The following LMTK2 variants were observed in gnomAD, a reference collection of about 807,000 sequenced individuals.
The protein encoded by LMTK2 is lemur tail kinase 2.
A neutral mutation model predicts 127.5 loss-of-function variants in LMTK2; 37 were observed. The ratio of observed to expected loss-of-function variants is 0.29; its 90% CI spans 0.22 to 0.38. LMTK2 has a LOEUF of 0.38. Among genes scored for constraint, LMTK2 ranks in the 10% least tolerant of loss-of-function variants. The pLI, the probability that LMTK2 is intolerant of heterozygous loss-of-function variation, is 1.00. For missense variants in LMTK2, 1,694 were observed against 1,920.3 expected (o/e 0.88, Z 2.20); for synonymous variants, 819 against 810.1 (o/e 1.01, Z -0.19).
intron 9 of LMTK2, among the ~76,000 whole-genome samples, chr7:98,187,551 A>G (rs1315357660): frequency 6.6e-6 from 1 of 151,526 alleles, no homozygotes; most frequent in Non-Finnish European, 1.5e-5. Flanking sequence ...ATTGATGCAT[A>G]TAATTGGACA....
intron 3 of LMTK2, among the ~76,000 whole-genome samples, chr7:98,148,209 G>A (rs932276440): frequency 6.6e-6 from 1 of 151,070 alleles, no homozygotes; most frequent in Admixed American, 6.6e-5. Context: ...AAAAAATTAA[G>A]CCAGGTGTGA....
intron 1 of LMTK2, among the ~76,000 whole-genome samples, chr7:98,135,237 TCA>T (rs1796580831): frequency 6.6e-6 from 1 of 152,236 alleles, no homozygotes. Flanking sequence ...AAAAATAACC[TCA>T]TTAATTTATC....
At chr7:98,123,704 TACAC>T (rs143477267) in intron 1 of LMTK2, among the ~76,000 whole-genome samples, 5 of 150,402 alleles carry the variant, frequency 3.3e-5, no homozygotes, top group South Asian at 2.1e-4. Flanking sequence ...TTTTCATATA[TACAC>T]ACACACACAC....
chr7:98,203,482 G>A, intron 11 of LMTK2, 92 bp from the exon 12 acceptor site: 1 of 1,455,020 alleles, frequency 6.9e-7, no homozygotes, highest in Non-Finnish European at 9.1e-7. Flanking sequence ...CTCAGTCGAT[G>A]AGTCTGATGC....
At chr7:98,163,714 A>G (rs28681561) in intron 6 of LMTK2, among the ~76,000 whole-genome samples, 18,418 of 152,224 alleles carry the variant, frequency 0.12, 1,710 homozygotes, top group African/African-American at 0.26. Flanking sequence ...GGGACACACC[A>G]AAGTGTCTCT....
intron 5 of LMTK2, 126 bp from the exon 6 acceptor site, chr7:98,159,209 AAAT>A (rs1340410597): frequency 2.3e-5 from 12 of 525,418 alleles, no homozygotes; most frequent in African/African-American, 2.2e-4. Flanking sequence ...TCATTTATGT[AAAT>A]ATTATATAAA....
chr7:98,142,362 G>C (rs991326364), intron 3 of LMTK2, among the ~76,000 whole-genome samples: 5 of 152,076 alleles, frequency 3.3e-5, no homozygotes, highest in African/African-American at 9.7e-5. Flanking sequence ...CATAGTTGGT[G>C]CATTTCATTT....
At chr7:98,179,564 G>T (rs1384959034) in intron 7 of LMTK2, among the ~76,000 whole-genome samples, 2 of 148,870 alleles carry the variant, frequency 1.3e-5, no homozygotes, top group African/African-American at 5.0e-5. Context: ...TCCTCATATG[G>T]CATGTTCCTC....
chr7:98,196,436 C>G (rs781014894), intron 11 of LMTK2, among the ~76,000 whole-genome samples: 23 of 152,324 alleles, frequency 1.5e-4, no homozygotes, highest in South Asian at 1.5e-3. Context: ...CCACATAGCC[C>G]TTTCTCCACC....
chr7:98,198,421 C>T (rs954481676), intron 11 of LMTK2, among the ~76,000 whole-genome samples: 2 of 152,116 alleles, frequency 1.3e-5, no homozygotes, highest in Admixed American at 6.5e-5. Flanking sequence ...AATCTCTTGA[C>T]CTCATGATCT....
chr7:98,163,963 T>G (rs1797052023), intron 6 of LMTK2, among the ~76,000 whole-genome samples: 1 of 152,252 alleles, frequency 6.6e-6, no homozygotes, highest in Non-Finnish European at 1.5e-5. Flanking sequence ...AGTGGCCTTT[T>G]CAGTCGTCAT....
chr7:98,146,386 T>TTTTTATTTTA lies in LMTK2; in HGVS notation c.376+4866_376+4875dup, dbSNP rs58095775. Among the ~76,000 whole-genome samples the TTTTTATTTTA allele has an allele frequency of 5.7e-4, 86 of 151,780 alleles. No homozygotes were observed. The East Asian group carries it at 6.5e-3, about 11-fold the overall frequency. On this transcript the variant is annotated intron_variant, in intron 3 of 13. Transcript: ENST00000297293. ...ACAGGCCACTGGGATTCTGATAGTT[T>TTTTTATTTTA]TTTTATTTTATTTTATTTTATTTTA...
chr7:98,141,199 A>T (rs1796693461), intron 2 of LMTK2, among the ~76,000 whole-genome samples, 198 bp from the exon 3 acceptor site: 1 of 151,994 alleles, frequency 6.6e-6, no homozygotes, highest in African/African-American at 2.4e-5. Context: ...CTTACATGAA[A>T]TATGTATAAT....
intron 6 of LMTK2, among the ~76,000 whole-genome samples, chr7:98,168,333 C>CA (rs1797133714): frequency 6.6e-6 from 1 of 152,136 alleles, no homozygotes; most frequent in African/African-American, 2.4e-5. Context: ...GGCGGGGGGA[C>CA]CAGTGGTGCT....
chr7:98,163,992 A>G (rs1797052268), intron 6 of LMTK2, among the ~76,000 whole-genome samples: 1 of 152,368 alleles, frequency 6.6e-6, no homozygotes, highest in Non-Finnish European at 1.5e-5. Flanking sequence ...CATCATGCCC[A>G]ATGATAACAT....
chr7:98,143,562 A>G (rs1215246140), intron 3 of LMTK2, among the ~76,000 whole-genome samples: 2 of 152,220 alleles, frequency 1.3e-5, no homozygotes, highest in African/African-American at 4.8e-5. Flanking sequence ...GTTATTAATT[A>G]AAGAAATGCT....
chr7:98,202,335 A>G (rs939325953), intron 11 of LMTK2, among the ~76,000 whole-genome samples: 2 of 152,144 alleles, frequency 1.3e-5, no homozygotes, highest in African/African-American at 2.4e-5. Flanking sequence ...TGTTCATGGT[A>G]AGAGTGTTTC....
chr7:98,147,303 C>T (rs192657091), intron 3 of LMTK2, among the ~76,000 whole-genome samples: 18 of 152,142 alleles, frequency 1.2e-4, no homozygotes, highest in African/African-American at 3.4e-4. Flanking sequence ...ACTGCAGCCT[C>T]GACTTCCTGG....
chr7:98,114,240 GT>G (rs554396308), intron 1 of LMTK2, among the ~76,000 whole-genome samples: 2,088 of 130,930 alleles, frequency 0.016, 42 homozygotes, highest in African/African-American at 0.046. Flanking sequence ...TTTTTTTAAA[GT>G]TTTTTTTTTT....
Sources: gnomAD v4.1 joint callset for allele counts (sites outside exome capture counted in the v4.1 genomes callset) on GRCh38, gnomAD v4.1.1 for gene constraint, MANE v1.5 for transcripts, NCBI Gene and HGNC (gene_info 2026-07-23, HGNC 2026-07-21) for gene names.